ASF1A: variants seen among roughly 807,000 people sequenced by gnomAD.
ASF1A encodes histone chaperone ASF1A.
A neutral mutation model predicts 22.0 loss-of-function variants in ASF1A; 5 were observed. The observed-to-expected ratio is 0.23, with a 90% CI of 0.12 to 0.48. ASF1A has a LOEUF of 0.48. Among genes scored for constraint, ASF1A ranks in the 20% least tolerant of loss-of-function variants. ASF1A has a pLI of 0.99. For missense variants in ASF1A, 137 were observed against 240.6 expected (o/e 0.57, Z 2.85); for synonymous variants, 97 against 86.7 (o/e 1.12, Z -0.66).
chr6:118,896,460 G>C (rs569204437), intron 1 of ASF1A, among the ~76,000 whole-genome samples: 35 of 152,250 alleles, frequency 2.3e-4, no homozygotes, highest in African/African-American at 8.2e-4. Flanking sequence ...TGTCGTTACA[G>C]GGCTTTTACA....
intron 1 of ASF1A, among the ~76,000 whole-genome samples, chr6:118,897,795 AG>A (rs1195825819): frequency 6.6e-6 from 1 of 152,026 alleles, no homozygotes; most frequent in African/African-American, 2.4e-5. Context: ...CCTCAAATAC[AG>A]GGGGCAGAGG....
chr6:118,903,877 G>A (rs182136619), intron 2 of ASF1A, among the ~76,000 whole-genome samples: 114 of 152,228 alleles, frequency 7.5e-4, no homozygotes, highest in Admixed American at 7.3e-3. Context: ...GTGAGCCACC[G>A]TGCTCAGAGC....
At chr6:118,904,452 G>A (rs1404836084) in intron 2 of ASF1A, among the ~76,000 whole-genome samples, 1 of 152,160 alleles carries the variant, frequency 6.6e-6, no homozygotes, top group Non-Finnish European at 1.5e-5. Context: ...TAATTTGCTG[G>A]GACTTGATCC....
intron 1 of ASF1A, among the ~76,000 whole-genome samples, chr6:118,899,710 A>G (rs1170207426): frequency 6.6e-6 from 1 of 152,216 alleles, no homozygotes; most frequent in Non-Finnish European, 1.5e-5. Flanking sequence ...GCAGTACGTT[A>G]CTATTTCTAT....
In ASF1A at chr6:118,907,569, A is replaced by C. The variant is rs1489641506; in HGVS notation, c.570A>C (p.Glu190Asp). 2.5e-6 allele frequency: 4 copies of C among 1,613,744 alleles called. No homozygotes were observed. Among genetic ancestry groups the C allele is most frequent in the Non-Finnish European group, 3.4e-6 (4 of 1,179,712 alleles). ...CATCAAAGGGATGGTCCACATCAGA[A>C]AACTCACTAAATGTCATGTTAGAAT... The part of the protein sequence containing the change: ...PSASKGWSTS[E>D]NSLNVMLESH... The change falls in exon 4 of 4, where the codon GAA becomes GAC. Residue 190 changes from glutamate to aspartate, a missense_variant. Physicochemically the swap from Glu to Asp is conservative, Grantham distance 45 (BLOSUM62 2). Transcript: ENST00000229595.
rs1780347149 is a variant in ASF1A at position 118,908,890 on chromosome 6, G to C, written c.*1276G>C. 1 of 152,520 alleles carries C rather than the reference G, an allele frequency of 6.6e-6. No individual in the cohort carries two copies. The allele number at this position is 152,520 out of a possible 1,614,324, so 9.4% of individuals were successfully genotyped here. A position where few individuals can be genotyped will look rare whatever the true frequency, so the allele number is the denominator to read the frequency against. On this transcript the variant is annotated 3_prime_UTR_variant, in exon 4 of 4. Coordinates refer to ENST00000229595, the MANE Select transcript of ASF1A (RefSeq NM_014034.3). ...GCACTTTTTAAAGCTTTTATGTTGA[G>C]GAAAGGAAAAGGGCATTTGTCTAAA...
chr6:118,905,552 C>CA (rs1364215371), intron 2 of ASF1A, 100 bp from the exon 3 acceptor site: 1 of 850,038 alleles, frequency 1.2e-6, no homozygotes, highest in Non-Finnish European at 1.7e-6. Context: ...TTTCTTGTTG[C>CA]ATCCTCAACT....
At chr6:118,903,541 ATACGT>A (rs1420763479) in intron 2 of ASF1A, among the ~76,000 whole-genome samples, 1 of 152,198 alleles carries the variant, frequency 6.6e-6, no homozygotes, top group Non-Finnish European at 1.5e-5. Flanking sequence ...ATCACAGGGC[ATACGT>A]TCTTAGATAA....
intron 1 of ASF1A, among the ~76,000 whole-genome samples, chr6:118,900,525 T>C (rs764752686): frequency 1.3e-5 from 2 of 152,224 alleles, no homozygotes; most frequent in Non-Finnish European, 2.9e-5. Context: ...GGCTATGTTA[T>C]CTTGTTTGTG....
intron 3 of ASF1A, among the ~76,000 whole-genome samples, chr6:118,906,723 T>A (rs1780202738): frequency 6.6e-6 from 1 of 152,180 alleles, no homozygotes. Flanking sequence ...TACTTAGTAT[T>A]TTCTGATTTT....
At chr6:118,897,835 A>C (rs1010369102) in intron 1 of ASF1A, among the ~76,000 whole-genome samples, 12 of 151,932 alleles carry the variant, frequency 7.9e-5, no homozygotes, top group Non-Finnish European at 1.0e-4. Flanking sequence ...TTAAAAAAAA[A>C]AACAACAAAA....
rs935399450 is a variant in ASF1A at position 118,908,163 on chromosome 6, T to C, written c.*549T>C. On this transcript the variant is annotated 3_prime_UTR_variant, in exon 4 of 4. Coordinates refer to ENST00000229595, the MANE Select transcript of ASF1A (RefSeq NM_014034.3). ...TTCCAAGCCACCGTGAAGCCTCTTA[T>C]GGCTACTATTATAGTTCATGAGATG... 6.5e-6 allele frequency: 1 copy of C among 152,822 alleles called. No homozygotes were observed. The highest frequency in any genetic ancestry group is 6.5e-5 in the Admixed American group (1 of 15,392). The allele number at this position is 152,822 out of a possible 1,614,324, so 9.5% of individuals were successfully genotyped here. A position where few individuals can be genotyped will look rare whatever the true frequency, so the allele number is the denominator to read the frequency against.
rs1338372317 is a variant in ASF1A, at chr6:118,908,928, G to C, written c.*1314G>C. 1 of 152,546 alleles carries C rather than the reference G, an allele frequency of 6.6e-6. No individual in the cohort carries two copies. The highest frequency in any genetic ancestry group is 1.5e-5 in the Non-Finnish European group (1 of 68,016). The allele number at this position is 152,546 out of a possible 1,614,324, so 9.4% of individuals were successfully genotyped here. A position where few individuals can be genotyped will look rare whatever the true frequency, so the allele number is the denominator to read the frequency against. Reference sequence around the variant, plus strand: ...GCATTTGTCTAAACATGGATTCTGAGTTGTATATATTTCCTATCATTCTAA... The same window carrying C: ...GCATTTGTCTAAACATGGATTCTGACTTGTATATATTTCCTATCATTCTAA... On this transcript the variant is annotated 3_prime_UTR_variant, in exon 4 of 4. Transcript: ENST00000229595.
At chr6:118,906,232 C>T (rs1295761902) in intron 3 of ASF1A, among the ~76,000 whole-genome samples, 1 of 152,040 alleles carries the variant, frequency 6.6e-6, no homozygotes, top group Non-Finnish European at 1.5e-5. Context: ...ACCAACACGC[C>T]CAGATAATTT....
In ASF1A at chr6:118,894,391, ATTGTTT is replaced by A; in HGVS notation, c.-22_-17del. 1 of 1,536,326 alleles carries A rather than the reference ATTGTTT, an allele frequency of 6.5e-7. No individual in the cohort carries two copies. The highest frequency in any genetic ancestry group is 8.7e-7 in the Non-Finnish European group (1 of 1,146,564). Reference sequence around the variant, plus strand: ...TGTGCCGCAACCAGCCCCAGTTCCCATTGTTTGTGTTTTTTTCAAAATATGGCAAAG... The same window carrying A: ...TGTGCCGCAACCAGCCCCAGTTCCCAGTGTTTTTTTCAAAATATGGCAAAG... On this transcript the variant is annotated 5_prime_UTR_variant, in exon 1 of 4. Coordinates refer to ENST00000229595, the MANE Select transcript of ASF1A (RefSeq NM_014034.3).
chr6:118,905,858 C>CT (rs773653189), intron 3 of ASF1A, 30 bp downstream of exon 3: 12 of 1,492,604 alleles, frequency 8.0e-6, no homozygotes, highest in Non-Finnish European at 1.0e-5. Context: ...TTTTTAACTA[C>CT]TTTTACTATG....
intron 1 of ASF1A, among the ~76,000 whole-genome samples, chr6:118,899,087 A>G (rs912297966): frequency 1.3e-5 from 2 of 152,164 alleles, no homozygotes; most frequent in Non-Finnish European, 2.9e-5. Context: ...TATCCAGAAT[A>G]TAACTGTTGC....
At chr6:118,903,595 A>C (rs1779959263) in intron 2 of ASF1A, among the ~76,000 whole-genome samples, 1 of 152,220 alleles carries the variant, frequency 6.6e-6, no homozygotes, top group African/African-American at 2.4e-5. Context: ...AAAGGAATCT[A>C]TTGATTCTAC....
chr6:118,905,827 AG>A lies in ASF1A; in HGVS notation c.402+1del. ...ENPPVKPDFS[K>X]LQRNILASNP... Reference sequence around the variant, plus strand: ...CCACCAGTAAAACCAGACTTTTCTAAGGTAATGTTCTTACTATTCCTTTTTA... The same window carrying A: ...CCACCAGTAAAACCAGACTTTTCTAAGTAATGTTCTTACTATTCCTTTTTA... On this transcript the variant is annotated frameshift_variant and splice_region_variant, in exon 3 of 4. Coordinates refer to ENST00000229595, the MANE Select transcript of ASF1A (RefSeq NM_014034.3). LOFTEE classifies it high-confidence loss of function. 1.3e-6 allele frequency: 2 copies of A among 1,596,948 alleles called. No individual in the cohort carries two copies. The highest frequency in any genetic ancestry group is 1.7e-6 in the Non-Finnish European group (2 of 1,169,216).
Sources: allele counts gnomAD v4.1 joint callset (sites outside exome capture counted in the v4.1 genomes callset), GRCh38; gene constraint gnomAD v4.1.1; transcripts MANE v1.5; gene names NCBI Gene and HGNC (gene_info 2026-07-23, HGNC 2026-07-21).